Variants in SUGCT observed in about 807,000 individuals in gnomAD.
SUGCT encodes succinyl-CoA:glutarate CoA-transferase.
Under a neutral mutation model 55.0 loss-of-function variants are expected in SUGCT, and 41 were observed. That is an observed-to-expected ratio of 0.74 (90% CI 0.58 to 0.97). The LOEUF is 0.97. Ranked by LOEUF, SUGCT falls within the 50% of genes least tolerant of loss-of-function variation. SUGCT has a pLI of 0.00. For missense variants in SUGCT, 568 were observed against 547.8 expected (o/e 1.04, Z -0.37); for synonymous variants, 187 against 200.4 (o/e 0.93, Z 0.56).
chr7:40,261,507 A>G (rs1351055107), intron 7 of SUGCT, among the ~76,000 whole-genome samples: 2 of 152,202 alleles, frequency 1.3e-5, no homozygotes, highest in African/African-American at 4.8e-5. Context: ...ATTCAATGAG[A>G]TAATGTGTAG....
At position 40,244,166 on chromosome 7, in the gene SUGCT, C is replaced by G. The variant is rs138991987; in HGVS notation, c.576+6440C>G. ...CCAGCCTGGGTGACTGAGCGAGACTCTGTCTCAAAACAAAACAAAATTAAA... is the reference window on the plus strand; with the variant it reads ...CCAGCCTGGGTGACTGAGCGAGACTGTGTCTCAAAACAAAACAAAATTAAA... On this transcript the variant is annotated intron_variant, in intron 7 of 13. Transcript: ENST00000335693. Among the ~76,000 whole-genome samples, 703 of 152,282 alleles carry G rather than the reference C, an allele frequency of 4.6e-3. 6 individuals are homozygous for G. The highest frequency in any genetic ancestry group is 0.016 in the African/African-American group (670 of 41,544).
At chr7:40,171,069 T>A (rs1357587936) in intron 1 of SUGCT, among the ~76,000 whole-genome samples, 1 of 152,230 alleles carries the variant, frequency 6.6e-6, no homozygotes, top group Non-Finnish European at 1.5e-5. Context: ...GGTAACCTTT[T>A]GGGTTAGGAT....
At chr7:40,222,850 G>A (rs1404250631) in intron 6 of SUGCT, among the ~76,000 whole-genome samples, 1 of 152,060 alleles carries the variant, frequency 6.6e-6, no homozygotes, top group African/African-American at 2.4e-5. Flanking sequence ...GGATGGTCTC[G>A]ATCTCTTGAC....
intron 12 of SUGCT, among the ~76,000 whole-genome samples, chr7:40,514,025 C>T (rs1002648976): frequency 1.3e-5 from 2 of 151,844 alleles, no homozygotes; most frequent in African/African-American, 2.4e-5. Flanking sequence ...CTCCTGACCT[C>T]GTGATCCGCC....
chr7:40,165,446 G>T (rs1784372255), intron 1 of SUGCT, among the ~76,000 whole-genome samples: 1 of 152,134 alleles, frequency 6.6e-6, no homozygotes, highest in Non-Finnish European at 1.5e-5. Context: ...ATTGATGGCA[G>T]CTTCATTATA....
At chr7:40,569,067 T>C (rs577720614) in intron 12 of SUGCT, among the ~76,000 whole-genome samples, 7 of 152,330 alleles carry the variant, frequency 4.6e-5, no homozygotes, top group South Asian at 4.1e-4. Flanking sequence ...AAAAATGAGG[T>C]ACTCAATTCA....
chr7:40,790,545 A>G (rs1391321120), intron 13 of SUGCT, among the ~76,000 whole-genome samples: 9 of 152,248 alleles, frequency 5.9e-5, no homozygotes, highest in Admixed American at 3.9e-4. Context: ...CTGAAGGCCT[A>G]ACTCAGATCA....
intron 9 of SUGCT, among the ~76,000 whole-genome samples, chr7:40,345,101 A>G (rs2151185549): frequency 6.6e-6 from 1 of 152,332 alleles, no homozygotes; most frequent in African/African-American, 2.4e-5. Flanking sequence ...TGTGGTTTCT[A>G]CAGAGAACTC....
chr7:40,593,843 A>G (rs1797857429), intron 12 of SUGCT, among the ~76,000 whole-genome samples: 1 of 152,076 alleles, frequency 6.6e-6, no homozygotes, highest in Non-Finnish European at 1.5e-5. Flanking sequence ...TGTCTCACAA[A>G]CAACAACAAC....
chr7:40,962,633 C>G, the SUGCT span, among the ~76,000 whole-genome samples: 1 of 150,578 alleles, frequency 6.6e-6, no homozygotes, highest in South Asian at 2.1e-4. Context: ...GAGAGTTTTG[C>G]TCAAGACAGC....
At chr7:40,753,407 A>G (rs1267463764) in intron 13 of SUGCT, among the ~76,000 whole-genome samples, 1 of 152,218 alleles carries the variant, frequency 6.6e-6, no homozygotes, top group Middle Eastern at 3.2e-3. Context: ...ACTAGTGGAG[A>G]CACATTTTGA....
chr7:40,471,867 C>G (rs1790418622), intron 11 of SUGCT, among the ~76,000 whole-genome samples: 1 of 151,854 alleles, frequency 6.6e-6, no homozygotes. Flanking sequence ...TAAAATAGGT[C>G]AGTAAAAAAT....
intron 12 of SUGCT, among the ~76,000 whole-genome samples, chr7:40,684,704 TTCTC>T (rs1399517532): frequency 6.6e-6 from 1 of 152,166 alleles, no homozygotes; most frequent in Non-Finnish European, 1.5e-5. Flanking sequence ...CACAACCTGC[TTCTC>T]TCTCTCCCTT....
At chr7:40,630,065 T>G (rs549384851) in intron 12 of SUGCT, among the ~76,000 whole-genome samples, 58 of 152,342 alleles carry the variant, frequency 3.8e-4, no homozygotes, top group African/African-American at 1.4e-3. Context: ...AAATTTATAC[T>G]AAGGCATGGA....
chr7:40,287,499 T>C (rs1464618325), intron 8 of SUGCT, among the ~76,000 whole-genome samples: 1 of 141,786 alleles, frequency 7.1e-6, no homozygotes, highest in Non-Finnish European at 1.5e-5. Context: ...CCCTTGATAC[T>C]CTTTTTTTTT....
intron 12 of SUGCT, among the ~76,000 whole-genome samples, chr7:40,639,792 C>T (rs543026935): frequency 1.4e-3 from 220 of 151,974 alleles, no homozygotes; most frequent in South Asian, 4.8e-3. Flanking sequence ...GGATTACAGG[C>T]GTGAGCCACT....
chr7:40,979,882 A>C, the SUGCT span: 1 of 152,288 alleles, frequency 6.6e-6, no homozygotes, highest in South Asian at 2.1e-4. Flanking sequence ...GTTAAGTGAA[A>C]AATCCTCAGG....
the SUGCT span, among the ~76,000 whole-genome samples, chr7:40,886,370 A>G: frequency 6.6e-6 from 1 of 152,160 alleles, no homozygotes; most frequent in Non-Finnish European, 1.5e-5. Flanking sequence ...CATCACTTGG[A>G]GCTCCAAGAA....
the SUGCT span, among the ~76,000 whole-genome samples, chr7:40,895,890 TATC>T: frequency 6.6e-6 from 1 of 152,190 alleles, no homozygotes; most frequent in East Asian, 1.9e-4. Context: ...TAACAGCTAA[TATC>T]ATTTTTAATG....
Sources: gnomAD v4.1 joint callset for allele counts (sites outside exome capture counted in the v4.1 genomes callset) on GRCh38, gnomAD v4.1.1 for gene constraint, MANE v1.5 for transcripts, NCBI Gene and HGNC (gene_info 2026-07-23, HGNC 2026-07-21) for gene names.